MTF1: variants seen among roughly 807,000 people sequenced by gnomAD.
MTF1 encodes the protein MRE-binding transcription factor.
A neutral mutation model predicts 70.4 loss-of-function variants in MTF1; 22 were observed. The ratio of observed to expected loss-of-function variants is 0.31; its 90% CI spans 0.22 to 0.45. The LOEUF is 0.45. MTF1 is among the 20% of genes least tolerant of loss of function. The pLI is 1.00. For missense variants in MTF1, 649 were observed against 922.0 expected (o/e 0.70, Z 3.83); for synonymous variants, 333 against 352.8 (o/e 0.94, Z 0.63).
chr1:37,839,046 C>T (rs953188388), intron 3 of MTF1, among the ~76,000 whole-genome samples: 2 of 151,916 alleles, frequency 1.3e-5, no homozygotes, highest in African/African-American at 2.4e-5. Flanking sequence ...TCAGGTGATC[C>T]GCCTGCCTCG....
intron 7 of MTF1, among the ~76,000 whole-genome samples, chr1:37,826,127 G>A (rs751555511): frequency 6.6e-6 from 1 of 152,116 alleles, no homozygotes; most frequent in African/African-American, 2.4e-5. Flanking sequence ...GCCAACATAC[G>A]TTTTAAGGTC....
rs529749856 is a variant in MTF1, at chr1:37,825,301, A to G, written c.1069-1489T>C. Among the ~76,000 whole-genome samples the G allele has an allele frequency of 3.3e-5, 5 of 152,140 alleles. No homozygotes were observed. In the East Asian group the frequency reaches 9.7e-4, roughly 29 times the overall value. On this transcript the variant is annotated intron_variant, in intron 7 of 10. Transcript: ENST00000373036. ...GCCCAGGCTGGAGTGCAGTGGTATG[A>G]TCATAGCTCCCCGCAGCCTTCAACT...
At chr1:37,828,274 G>C (rs1038038250) in intron 7 of MTF1, 22 of 369,750 alleles carry the variant, frequency 5.9e-5, no homozygotes, top group Non-Finnish European at 1.0e-4. Context: ...GTGAGGGGGG[G>C]GCCTCTGGGG....
Position 37,815,426 on chromosome 1 carries a change from G to T in MTF1, c.1972C>A (p.Pro658Thr), listed in dbSNP as rs534357571. The T allele has an allele frequency of 3.7e-6, 6 of 1,612,632 alleles. No homozygotes were observed. Among genetic ancestry groups the T allele is most frequent in the Non-Finnish European group, 4.2e-6 (5 of 1,179,202 alleles). Reference sequence around the variant, plus strand: ...GGAGCCTGGGGGCTCGGCTCTGGAGGGGGTGGGGAGGAGCAGCCCTTTCTC... The same window carrying T: ...GGAGCCTGGGGGCTCGGCTCTGGAGTGGGTGGGGAGGAGCAGCCCTTTCTC... ...SRRKGCSSPPPPEPSPQAPDG... is the reference protein window; with the variant it reads ...SRRKGCSSPPTPEPSPQAPDG... The change falls in exon 11 of 11, where the codon CCT becomes ACT. Residue 658 changes from proline (P) to threonine (T), a missense_variant. Pro to Thr is a conservative substitution (Grantham distance 38). Transcript: ENST00000373036. The surrounding 1 kb of genome is among the most constrained non-coding windows in gnomAD (Gnocchi z 4.5).
At chr1:37,832,371 A>G in intron 6 of MTF1, 49 bp from the exon 7 acceptor site, 2 of 1,188,572 alleles carry the variant, frequency 1.7e-6, no homozygotes, top group Middle Eastern at 1.9e-4. Flanking sequence ...CAGGATTTAC[A>G]GTGGCATATC....
chr1:37,814,778 C>T lies in MTF1; in HGVS notation c.*358G>A, dbSNP rs923362226. On this transcript the variant is annotated 3_prime_UTR_variant, in exon 11 of 11. Transcript: ENST00000373036. Reference sequence around the variant, plus strand: ...CGATCCACAAAGACCCCAGTGCAAGCGATGGGCAGCATCAGATTGATGGAA... The same window carrying T: ...CGATCCACAAAGACCCCAGTGCAAGTGATGGGCAGCATCAGATTGATGGAA... 4.9e-5 allele frequency: 11 copies of T among 226,386 alleles called. No individual in the cohort carries two copies. The highest frequency in any genetic ancestry group is 9.3e-5 in the African/African-American group (4 of 43,062). 14.0% of individuals were successfully genotyped at this position (226,386 alleles called of 1,614,324 possible). A position where few individuals can be genotyped will look rare whatever the true frequency, so the allele number is the denominator to read the frequency against.
At chr1:37,821,728 T>G (rs1640913180) in intron 9 of MTF1, among the ~76,000 whole-genome samples, 1 of 152,226 alleles carries the variant, frequency 6.6e-6, no homozygotes, top group Non-Finnish European at 1.5e-5. Context: ...GCCACTGCTG[T>G]CCGGTGCCAT....
At chr1:37,838,815 T>TTTTTTTTTTG (rs1641211958) in intron 3 of MTF1, 59 bp from the exon 4 acceptor site, 1 of 1,233,370 alleles carries the variant, frequency 8.1e-7, no homozygotes, top group Non-Finnish European at 1.1e-6. Context: ...TTTTTTTTTT[T>TTTTTTTTTTG]TTTTCTGAGA....
chr1:37,818,761 G>A (rs181552300), intron 9 of MTF1, among the ~76,000 whole-genome samples: 25 of 151,546 alleles, frequency 1.6e-4, no homozygotes, highest in African/African-American at 4.8e-4. Flanking sequence ...ATGGGAGGCC[G>A]AGGCGGGCAG....
At chr1:37,819,951 C>CAAAAAAAAAAAAAAAAAAA in intron 9 of MTF1, among the ~76,000 whole-genome samples, 1 of 82,682 alleles carries the variant, frequency 1.2e-5, no homozygotes, top group Non-Finnish European at 2.1e-5. Context: ...GACTCTGACT[C>CAAAAAAAAAAAAAAAAAAA]AAAAAAAAAA....
intron 6 of MTF1, 103 bp from the exon 7 acceptor site, chr1:37,832,425 G>T: frequency 1.4e-6 from 1 of 716,838 alleles, no homozygotes; most frequent in Non-Finnish European, 2.4e-6. Flanking sequence ...TGTTCCACAT[G>T]TCTACATGTA....
chr1:37,841,060 C>T (rs1456004344), intron 2 of MTF1: 14 of 200,436 alleles, frequency 7.0e-5, no homozygotes, highest in African/African-American at 2.6e-4. Context: ...AGCTCTTCTC[C>T]CTGCCCATTA....
At chr1:37,831,324 G>A (rs935709991) in intron 7 of MTF1, among the ~76,000 whole-genome samples, 5 of 152,164 alleles carry the variant, frequency 3.3e-5, no homozygotes, top group Non-Finnish European at 5.9e-5. Context: ...GCAGGCTTGG[G>A]GGGAGGCCCA....
chr1:37,858,998 A>G (rs1020508012), intron 1 of MTF1, among the ~76,000 whole-genome samples: 1 of 152,234 alleles, frequency 6.6e-6, no homozygotes, highest in Non-Finnish European at 1.5e-5. Flanking sequence ...GGATGGCTAG[A>G]CAGTTACCAG....
intron 1 of MTF1, chr1:37,858,373 G>T (rs1641534169): frequency 6.6e-6 from 1 of 152,144 alleles, no homozygotes; most frequent in Non-Finnish European, 1.5e-5. Context: ...GTGCAAGGTG[G>T]GACCAGTAAT....
chr1:37,850,762 GAAGT>G (rs1223210383), intron 2 of MTF1, among the ~76,000 whole-genome samples: 3 of 152,126 alleles, frequency 2.0e-5, no homozygotes, highest in Admixed American at 2.0e-4. Context: ...AAAAGAAAAT[GAAGT>G]AATAGGTAAG....
chr1:37,821,850 T>C (rs1332276914), intron 9 of MTF1, among the ~76,000 whole-genome samples: 1 of 152,122 alleles, frequency 6.6e-6, no homozygotes, highest in African/African-American at 2.4e-5. Context: ...TTATACTAGA[T>C]GATGTGATTA....
intron 7 of MTF1, among the ~76,000 whole-genome samples, chr1:37,826,849 C>T (rs115394089): frequency 0.012 from 1,834 of 152,076 alleles, 34 homozygotes; most frequent in African/African-American, 0.042. Flanking sequence ...CATGGTGGTG[C>T]GTGCTTCAAA....
At chr1:37,834,969 C>T in intron 6 of MTF1, 110 bp downstream of exon 6, 1 of 1,197,582 alleles carries the variant, frequency 8.4e-7, no homozygotes, top group Non-Finnish European at 1.2e-6. Context: ...CTGACTTCTT[C>T]CCGCTCACTA....
Sources: gnomAD v4.1 joint callset for allele counts (sites outside exome capture counted in the v4.1 genomes callset) on GRCh38, gnomAD v4.1.1 for gene constraint, Gnocchi (gnomAD v3.1) non-coding constraint, MANE v1.5 for transcripts, NCBI Gene and HGNC (gene_info 2026-07-23, HGNC 2026-07-21) for gene names.